The following GSE1 variants were observed in gnomAD, a reference collection of about 807,000 sequenced individuals.
The protein encoded by GSE1 is genetic suppressor element 1.
GSE1 carries 32 observed loss-of-function variants against 112.6 expected under a neutral mutation model. The observed-to-expected ratio is 0.28, with a 90% CI of 0.21 to 0.38. The LOEUF is 0.38. Among genes scored for constraint, GSE1 ranks in the 10% least tolerant of loss-of-function variants. The pLI, the probability that GSE1 is intolerant of heterozygous loss-of-function variation, is 1.00. For synonymous variants in GSE1, 1,115 were observed against 735.6 expected (o/e 1.52, Z -8.35); for missense variants, 2,348 against 1,699.2 (o/e 1.38, Z -6.71).
At chr16:85,541,213 T>C (rs1469107095) in intron 2 of GSE1, among the ~76,000 whole-genome samples, 1 of 152,076 alleles carries the variant, frequency 6.6e-6, no homozygotes, top group Non-Finnish European at 1.5e-5. Flanking sequence ...AAGGCTGGGA[T>C]GGTGAGAGCT....
chr16:85,421,212 C>G (rs912795174), intron 2 of GSE1, among the ~76,000 whole-genome samples: 1 of 152,198 alleles, frequency 6.6e-6, no homozygotes, highest in East Asian at 1.9e-4. Flanking sequence ...CCTCCTGTCT[C>G]CTGGACGGGG....
At chr16:85,191,124 G>T (rs1351911078) in intron 1 of GSE1, among the ~76,000 whole-genome samples, 1 of 152,098 alleles carries the variant, frequency 6.6e-6, no homozygotes, top group African/African-American at 2.4e-5. Flanking sequence ...GCTGGGCGTG[G>T]TGTTGTGTGC....
intron 2 of GSE1, among the ~76,000 whole-genome samples, chr16:85,502,027 C>G (rs73265186): frequency 0.081 from 12,299 of 152,218 alleles, 1,627 homozygotes; most frequent in African/African-American, 0.28. Flanking sequence ...CAAGAGCTCT[C>G]TCTTGCAGGA....
intron 1 of GSE1, among the ~76,000 whole-genome samples, chr16:85,280,726 C>T (rs938354758): frequency 1.3e-5 from 2 of 152,218 alleles, no homozygotes; most frequent in African/African-American, 2.4e-5. Flanking sequence ...GGATTGCCCC[C>T]ACACCATCCC....
At chr16:85,336,422 G>T (rs933546187) in intron 1 of GSE1, among the ~76,000 whole-genome samples, 1 of 152,182 alleles carries the variant, frequency 6.6e-6, no homozygotes, top group Non-Finnish European at 1.5e-5. Context: ...CCGACCAGTC[G>T]GTGGCGTTCA....
chr16:85,243,576 T>C (rs1362767679), intron 1 of GSE1, among the ~76,000 whole-genome samples: 2 of 152,198 alleles, frequency 1.3e-5, no homozygotes, highest in Non-Finnish European at 2.9e-5. Flanking sequence ...AGGAGCCAAG[T>C]GTTGGCCTCT....
chr16:85,502,762 G>A lies in GSE1; in HGVS notation c.2465-131152G>A, dbSNP rs185246875. On this transcript the variant is annotated intron_variant, in intron 2 of 2. Coordinates refer to the GSE1 transcript ENST00000637419. ...GGGCCATCTTGGTGTCCGTGGAGCC[G>A]GGAAGGACTGCGTTTACTCTGGCTT... Among the ~76,000 whole-genome samples the A allele has an allele frequency of 2.6e-5, 4 of 152,348 alleles. No individual in the cohort carries two copies. The East Asian group carries it at 7.7e-4, about 29-fold the overall frequency.
intron 1 of GSE1, among the ~76,000 whole-genome samples, chr16:85,274,994 C>G (rs946384089): frequency 6.6e-6 from 1 of 152,220 alleles, no homozygotes; most frequent in African/African-American, 2.4e-5. Flanking sequence ...AGGCTCAAAG[C>G]GTTCCTTATT....
chr16:85,386,652 TGACCC>T (rs2047694782), intron 2 of GSE1, among the ~76,000 whole-genome samples: 1 of 152,218 alleles, frequency 6.6e-6, no homozygotes, highest in Non-Finnish European at 1.5e-5. Context: ...CTCAGTTTTG[TGACCC>T]GAGTGTTCAG....
chr16:85,638,830 C>T (rs558401617), intron 2 of GSE1, among the ~76,000 whole-genome samples: 48 of 152,100 alleles, frequency 3.2e-4, no homozygotes, highest in South Asian at 2.7e-3. Context: ...TGTGCTTCCC[C>T]GGTGGGGTTG....
intron 1 of GSE1, among the ~76,000 whole-genome samples, chr16:85,344,197 C>T (rs943388654): frequency 4.6e-5 from 7 of 152,010 alleles, no homozygotes; most frequent in East Asian, 1.9e-4. Flanking sequence ...CCCTGCCCGG[C>T]GGGGGAGCTA....
intron 1 of GSE1, among the ~76,000 whole-genome samples, chr16:85,623,726 C>A (rs1351111859): frequency 6.6e-6 from 1 of 152,160 alleles, no homozygotes; most frequent in Non-Finnish European, 1.5e-5. Context: ...GGGACGTTTT[C>A]CAGTCATCAC....
At chr16:85,327,114 T>C in intron 1 of GSE1, among the ~76,000 whole-genome samples, 1 of 152,184 alleles carries the variant, frequency 6.6e-6, no homozygotes, top group Admixed American at 6.5e-5. Flanking sequence ...TGGGAGCCTC[T>C]CCCTGGGCAA....
At chr16:85,474,063 G>A (rs1043203648) in intron 2 of GSE1, among the ~76,000 whole-genome samples, 1 of 152,146 alleles carries the variant, frequency 6.6e-6, no homozygotes, top group Non-Finnish European at 1.5e-5. Flanking sequence ...AACATGAGCT[G>A]ACCCATCTTC....
At chr16:85,416,531 G>A (rs1295504554) in intron 2 of GSE1, among the ~76,000 whole-genome samples, 1 of 152,186 alleles carries the variant, frequency 6.6e-6, no homozygotes, top group Non-Finnish European at 1.5e-5. Flanking sequence ...GATGCGGTGT[G>A]CCCACTTGCC....
chr16:85,183,092 C>T (rs185427982), intron 1 of GSE1, among the ~76,000 whole-genome samples: 11 of 152,312 alleles, frequency 7.2e-5, no homozygotes, highest in East Asian at 1.9e-4. Flanking sequence ...CACTCACATG[C>T]GTGCTCTTCC....
intron 2 of GSE1, among the ~76,000 whole-genome samples, chr16:85,482,972 C>T (rs1018142826): frequency 5.7e-5 from 6 of 105,590 alleles, no homozygotes; most frequent in Admixed American, 5.6e-4. Flanking sequence ...AGTGAGACTC[C>T]GTCTCAAAAA....
chr16:85,235,218 TA>T (rs1904468530), intron 1 of GSE1, among the ~76,000 whole-genome samples: 1 of 151,862 alleles, frequency 6.6e-6, no homozygotes, highest in African/African-American at 2.4e-5. Context: ...AAACATCCAA[TA>T]AAACAAAATC....
intron 2 of GSE1, among the ~76,000 whole-genome samples, chr16:85,453,922 A>G (rs1314630355): frequency 1.3e-5 from 2 of 151,974 alleles, no homozygotes; most frequent in African/African-American, 4.8e-5. Context: ...GCCCCAGGCC[A>G]CCTGCACACA....
Sources: gnomAD v4.1 joint callset for allele counts (sites outside exome capture counted in the v4.1 genomes callset) on GRCh38, gnomAD v4.1.1 for gene constraint, MANE v1.5 for transcripts, NCBI Gene and HGNC (gene_info 2026-07-23, HGNC 2026-07-21) for gene names.